Variants in AMOTL1 observed in about 807,000 individuals in gnomAD.
AMOTL1 encodes the protein angiomotin-like protein 1.
AMOTL1 carries 45 observed loss-of-function variants against 102.9 expected under a neutral mutation model. The ratio of observed to expected loss-of-function variants is 0.44; its 90% CI spans 0.34 to 0.56. The LOEUF (loss-of-function observed/expected upper bound fraction) is 0.56. Among genes scored for constraint, AMOTL1 ranks in the 20% least tolerant of loss-of-function variants. The pLI, the probability that AMOTL1 is intolerant of heterozygous loss-of-function variation, is 0.01. For missense variants in AMOTL1, 1,114 were observed against 1,225.6 expected (o/e 0.91, Z 1.36); for synonymous variants, 481 against 484.7 (o/e 0.99, Z 0.10).
chr11:94,741,461 C>T lies in AMOTL1; in HGVS notation c.136+473C>T, dbSNP rs553925583. On this transcript the variant is annotated intron_variant, in intron 3 of 4. Coordinates refer to the AMOTL1 transcript ENST00000299004. ...TAATGAAGTCAGGGGCTGAAAACGG[C>T]GGTGTAATCATTAAACTGTAAGACC... Among the ~76,000 whole-genome samples, 267 of 152,218 alleles carry T rather than the reference C, an allele frequency of 1.8e-3. 3 individuals are homozygous for T. The highest frequency in any genetic ancestry group is 5.9e-3 in the African/African-American group (245 of 41,536).
At chr11:94,726,490 A>G (rs1300757838) in intron 1 of AMOTL1, among the ~76,000 whole-genome samples, 1 of 152,206 alleles carries the variant, frequency 6.6e-6, no homozygotes, top group African/African-American at 2.4e-5. Context: ...AGCCAGAATT[A>G]CATCTGTAAG....
chr11:94,806,347 T>C (rs1951568775), intron 3 of AMOTL1, among the ~76,000 whole-genome samples: 1 of 152,232 alleles, frequency 6.6e-6, no homozygotes, highest in Non-Finnish European at 1.5e-5. Context: ...TCTTACTTTG[T>C]GTTGGACATG....
At chr11:94,832,943 G>A (rs1952103132) in intron 6 of AMOTL1, among the ~76,000 whole-genome samples, 1 of 152,238 alleles carries the variant, frequency 6.6e-6, no homozygotes, top group African/African-American at 2.4e-5. Context: ...CATTGTTCTG[G>A]CCTCCCAGCC....
intron 4 of AMOTL1, among the ~76,000 whole-genome samples, chr11:94,829,074 G>A (rs1417870697): frequency 6.6e-6 from 1 of 152,038 alleles, no homozygotes; most frequent in Admixed American, 6.5e-5. Context: ...CAATTTATAT[G>A]TGCCGTAGAT....
chr11:94,723,578 A>C (rs12807298), intron 1 of AMOTL1, among the ~76,000 whole-genome samples: 3,629 of 152,208 alleles, frequency 0.024, 87 homozygotes, highest in East Asian at 0.1. Flanking sequence ...CCAGTTGGAT[A>C]AACCAATCTG....
intron 3 of AMOTL1, among the ~76,000 whole-genome samples, chr11:94,813,609 GAC>G (rs1349465817): frequency 6.6e-6 from 1 of 152,100 alleles, no homozygotes; most frequent in Non-Finnish European, 1.5e-5. Flanking sequence ...CATCTCTTTA[GAC>G]ACAAAGCATT....
chr11:94,778,177 GTT>G (rs1293762111), intron 1 of AMOTL1, among the ~76,000 whole-genome samples: 1 of 152,178 alleles, frequency 6.6e-6, no homozygotes, highest in Admixed American at 6.5e-5. Flanking sequence ...GCTTAGAAGA[GTT>G]CTCTCCTGGG....
intron 1 of AMOTL1, among the ~76,000 whole-genome samples, chr11:94,786,198 G>A (rs982892892): frequency 6.6e-6 from 1 of 152,140 alleles, no homozygotes; most frequent in Non-Finnish European, 1.5e-5. Context: ...ATATTATAAT[G>A]TTACTATATA....
At chr11:94,789,040 C>A (rs1391388707) in intron 1 of AMOTL1, among the ~76,000 whole-genome samples, 1 of 152,206 alleles carries the variant, frequency 6.6e-6, no homozygotes, top group South Asian at 2.1e-4. Context: ...CCCTCAACCC[C>A]CAACTCCAAA....
At chr11:94,850,363 A>T (rs1366303824) in intron 7 of AMOTL1, 104 bp downstream of exon 7, 3 of 1,397,290 alleles carry the variant, frequency 2.1e-6, no homozygotes, top group Non-Finnish European at 2.8e-6. Context: ...AGCCAATTCC[A>T]AGGAGTTGAG....
At chr11:94,853,794 G>T in intron 7 of AMOTL1, 139 bp from the exon 8 acceptor site, 1 of 872,032 alleles carries the variant, frequency 1.1e-6, no homozygotes, top group Non-Finnish European at 1.8e-6. Flanking sequence ...GCACTTGAAG[G>T]ATAGGAGTAG....
At chr11:94,870,640 A>T (rs772993231) in intron 12 of AMOTL1, 49 bp from the exon 13 acceptor site, 2 of 1,452,452 alleles carry the variant, frequency 1.4e-6, no homozygotes, top group South Asian at 2.5e-5. Flanking sequence ...TGGAAAGCCT[A>T]TGCCCCTCCT....
At chr11:94,806,084 C>A (rs1346085125) in intron 3 of AMOTL1, among the ~76,000 whole-genome samples, 1 of 152,220 alleles carries the variant, frequency 6.6e-6, no homozygotes, top group African/African-American at 2.4e-5. Context: ...GTCAGAGGCA[C>A]TGACATTCTC....
intron 6 of AMOTL1, among the ~76,000 whole-genome samples, chr11:94,833,857 G>A (rs1952121358): frequency 6.6e-6 from 1 of 152,190 alleles, no homozygotes; most frequent in Non-Finnish European, 1.5e-5. Flanking sequence ...AATAATGGCA[G>A]TGAGAAAAAG....
At chr11:94,865,384 C>A (rs546976311) in intron 10 of AMOTL1, among the ~76,000 whole-genome samples, 76 of 152,128 alleles carry the variant, frequency 5.0e-4, no homozygotes, top group Non-Finnish European at 9.0e-4. Flanking sequence ...GAGCCCTAGG[C>A]CTCTTATTTT....
intron 3 of AMOTL1, among the ~76,000 whole-genome samples, chr11:94,743,404 A>C (rs1288487150): frequency 6.6e-6 from 1 of 152,126 alleles, no homozygotes; most frequent in Non-Finnish European, 1.5e-5. Context: ...TCTGGATCAG[A>C]CTGCCTTGTT....
At chr11:94,852,461 G>C (rs1163730945) in intron 7 of AMOTL1, among the ~76,000 whole-genome samples, 2 of 152,342 alleles carry the variant, frequency 1.3e-5, no homozygotes, top group Middle Eastern at 6.8e-3. Context: ...ACAGGAAATA[G>C]CATCTGGTGT....
chr11:94,814,692 C>G (rs1183353661), intron 3 of AMOTL1, among the ~76,000 whole-genome samples: 1 of 152,198 alleles, frequency 6.6e-6, no homozygotes, highest in Non-Finnish European at 1.5e-5. Flanking sequence ...GGAGCCCACA[C>G]TTACTGATAA....
intron 3 of AMOTL1, among the ~76,000 whole-genome samples, chr11:94,749,896 C>G (rs1950631194): frequency 2.0e-5 from 3 of 152,182 alleles, no homozygotes; most frequent in Admixed American, 6.5e-5. Context: ...CTTCCCTATC[C>G]TGTTTCAGAA....
Sources: gnomAD v4.1 joint callset for allele counts (sites outside exome capture counted in the v4.1 genomes callset) on GRCh38, gnomAD v4.1.1 for gene constraint, MANE v1.5 for transcripts, NCBI Gene and HGNC (gene_info 2026-07-23, HGNC 2026-07-21) for gene names.